The following PDS5A variants were observed in gnomAD, a reference collection of about 807,000 sequenced individuals.
The protein encoded by PDS5A is PDS5 cohesin associated factor A.
In PDS5A, 42 loss-of-function variants were observed where a neutral mutation model predicts 167.1. The observed-to-expected ratio is 0.25, with a 90% CI of 0.20 to 0.33. PDS5A has a LOEUF of 0.33. Among genes scored for constraint, PDS5A ranks in the 10% least tolerant of loss-of-function variants. The pLI, the probability that PDS5A is intolerant of heterozygous loss-of-function variation, is 1.00. For missense variants in PDS5A, 1,033 were observed against 1,605.9 expected, an observed-to-expected ratio of 0.64 and a Z score of 6.10; for synonymous variants, 553 against 554.6, an observed-to-expected ratio of 1.00 and a Z score of 0.04.
rs1036395820 is a variant in PDS5A at position 39,911,555 on chromosome 4, G to A, written c.993-1217C>T. Among the ~76,000 whole-genome samples, 29 of 151,746 alleles carry A rather than the reference G, an allele frequency of 1.9e-4. 1 individual carries two copies. Among genetic ancestry groups the A allele is most frequent in the Admixed American group, 1.4e-3 (21 of 15,230 alleles). On this transcript the variant is annotated intron_variant, in intron 9 of 32. Transcript: ENST00000303538. ...AGACTCAAAAATGCACATGTTGGCC[G>A]GGCGCGGTGGCTCACACCTGCAATC...
intron 32 of PDS5A, among the ~76,000 whole-genome samples, chr4:39,836,291 G>A (rs951372276): frequency 6.6e-6 from 1 of 152,210 alleles, no homozygotes; most frequent in African/African-American, 2.4e-5. Context: ...AGAAACAGAA[G>A]TGAGTAGGAG....
chr4:39,963,141 G>A (rs185939344), intron 2 of PDS5A, among the ~76,000 whole-genome samples: 1 of 151,800 alleles, frequency 6.6e-6, no homozygotes, highest in Non-Finnish European at 1.5e-5. Flanking sequence ...CCAACATGGC[G>A]AAACCCCGTC....
At chr4:39,886,598 G>A (rs1002885341) in intron 17 of PDS5A, among the ~76,000 whole-genome samples, 20 of 151,860 alleles carry the variant, frequency 1.3e-4, no homozygotes, top group African/African-American at 4.6e-4. Flanking sequence ...CTGTAATCAT[G>A]GCTACTTGGG....
rs555563641 is a variant in PDS5A at position 39,848,463 on chromosome 4, A to G, written c.3339+388T>C. 2.5e-5 allele frequency: 5 copies of G among 196,300 alleles called. No homozygotes were observed. The South Asian group carries it at 4.4e-4, about 17-fold the overall frequency. 12.2% of individuals were successfully genotyped at this position (196,300 alleles called of 1,614,324 possible). A position where few individuals can be genotyped will look rare whatever the true frequency, so the allele number is the denominator to read the frequency against. On this transcript the variant is annotated intron_variant, in intron 28 of 32. Transcript: ENST00000303538. Reference sequence around the variant, plus strand: ...ATATTAGCAATTGTCCATATGTATTATTAACATCTGCATTATAAAGATGAA... The same window carrying G: ...ATATTAGCAATTGTCCATATGTATTGTTAACATCTGCATTATAAAGATGAA...
In PDS5A at chr4:39,976,541, G is replaced by A. The variant is rs775555695; in HGVS notation, c.37C>T (p.Leu13Phe). ...FTAQPKPATALCGVVSADGKI... is the reference protein window; with the variant it reads ...FTAQPKPATAFCGVVSADGKI... ...CCGTCGGCACTCACGACGCCACAGA[G>A]GGCAGTGGCAGGCTTGGGCTGCGCG... The change falls in exon 2 of 33, where the codon CTC (leucine) becomes TTC (phenylalanine). Residue 13 changes from leucine to phenylalanine, a missense_variant. Transcript: ENST00000303538. The A allele has an allele frequency of 3.7e-6, 6 of 1,613,274 alleles. 1 individual carries two copies. Among genetic ancestry groups the A allele is most frequent in the East Asian group, 2.2e-5 (1 of 44,872 alleles).
chr4:39,839,118 A>T (rs1342014237), intron 31 of PDS5A, among the ~76,000 whole-genome samples: 2 of 152,126 alleles, frequency 1.3e-5, no homozygotes, highest in Admixed American at 1.3e-4. Flanking sequence ...TTAAGTCAAG[A>T]CTGCTTAATT....
intron 16 of PDS5A, among the ~76,000 whole-genome samples, chr4:39,896,444 T>C (rs1209793692): frequency 6.6e-6 from 1 of 151,526 alleles, no homozygotes; most frequent in Non-Finnish European, 1.5e-5. Flanking sequence ...TCTTTCCTTA[T>C]ATCCTTATTC....
At chr4:39,966,720 G>A (rs1055494868) in intron 2 of PDS5A, among the ~76,000 whole-genome samples, 3 of 152,124 alleles carry the variant, frequency 2.0e-5, no homozygotes, top group Non-Finnish European at 1.5e-5. Flanking sequence ...ATTTCAGGCC[G>A]GGCATGGTGG....
At chr4:39,926,748 T>G in intron 4 of PDS5A, 27 bp downstream of exon 4, 1 of 1,300,718 alleles carries the variant, frequency 7.7e-7, no homozygotes, top group Non-Finnish European at 1.0e-6. Context: ...ATAATGTTAA[T>G]AGTTATTAAA....
chr4:39,887,912 C>T (rs190814279), intron 17 of PDS5A, among the ~76,000 whole-genome samples: 2 of 151,912 alleles, frequency 1.3e-5, no homozygotes, highest in Non-Finnish European at 1.5e-5. Context: ...CAAAAAAACA[C>T]CAGACAAACA....
chr4:39,888,548 G>A (rs1721682624), intron 17 of PDS5A, among the ~76,000 whole-genome samples: 1 of 151,916 alleles, frequency 6.6e-6, no homozygotes, highest in Non-Finnish European at 1.5e-5. Context: ...GAACCTAAGT[G>A]CACATCAACG....
At chr4:39,929,694 C>T (rs1294395544) in intron 2 of PDS5A, among the ~76,000 whole-genome samples, 1 of 149,892 alleles carries the variant, frequency 6.7e-6, no homozygotes, top group Non-Finnish European at 1.5e-5. Context: ...GTCAAATATT[C>T]AAGCTATATT....
intron 2 of PDS5A, among the ~76,000 whole-genome samples, chr4:39,945,599 A>G (rs1293221372): frequency 2.6e-5 from 4 of 152,100 alleles, no homozygotes; most frequent in Non-Finnish European, 4.4e-5. Flanking sequence ...ACATTATACT[A>G]TAAAAACTGT....
chr4:39,929,545 A>C lies in PDS5A; in HGVS notation c.139-1381T>G, dbSNP rs1302224119. ...TATATATATATATATATATATATATATATATATATATCCCATTAATATCCT... is the reference window on the plus strand; with the variant it reads ...TATATATATATATATATATATATATCTATATATATATCCCATTAATATCCT... On this transcript the variant is annotated intron_variant, in intron 2 of 32. Coordinates refer to ENST00000303538, the MANE Select transcript of PDS5A (RefSeq NM_001100399.2). Among the ~76,000 whole-genome samples, 49 of 117,216 alleles carry C rather than the reference A, an allele frequency of 4.2e-4. 5 individuals are homozygous for C. The highest frequency in any genetic ancestry group is 3.1e-3 in the East Asian group (9 of 2,940). 76.9% of individuals were successfully genotyped at this position (117,216 alleles called of 152,430 possible).
intron 22 of PDS5A, chr4:39,868,618 C>A: frequency 4.4e-6 from 2 of 452,808 alleles, no homozygotes; most frequent in Admixed American, 4.7e-5. Context: ...CGTGAGCCAC[C>A]ATGCCTAGCC....
intron 28 of PDS5A, chr4:39,847,671 T>TCAAAATAATGAG (rs554913315): frequency 3.3e-5 from 5 of 152,128 alleles, no homozygotes; most frequent in Admixed American, 6.5e-5. Flanking sequence ...ATTATTTCTA[T>TCAAAATAATGAG]CAAAAGCAAG....
At chr4:39,848,744 T>A (rs1358811641) in intron 28 of PDS5A, 107 bp downstream of exon 28, 1 of 984,888 alleles carries the variant, frequency 1.0e-6, no homozygotes, top group African/African-American at 1.6e-5. Flanking sequence ...CCCAGATTTT[T>A]TCTTTACTCT....
Position 39,890,342 on chromosome 4 carries a change from G to C in PDS5A, c.1793C>G (p.Ala598Gly), listed in dbSNP as rs769001670. The change falls in exon 17 of 33, where the codon GCA becomes GGA. Residue 598 changes from alanine (A) to glycine (G), a missense_variant. Ala to Gly is a moderately conservative substitution (Grantham distance 60). This residue lies in a region of PDS5A where 367 missense variants were observed against 686.7 expected (regional missense o/e 0.53). Coordinates refer to ENST00000303538, the MANE Select transcript of PDS5A (RefSeq NM_001100399.2). ...AGGATTTGTTGGTTGCTTAGGATTT[G>C]CAAGTTTCCGGGCTATTTCTCTCTA... ...ICVREIARKL[A>G]NPKQPTNPFL... 6.3e-7 allele frequency: 1 copy of C among 1,578,242 alleles called. No homozygotes were observed. The highest frequency in any genetic ancestry group is 1.2e-5 in the South Asian group (1 of 86,352).
At position 39,901,565 on chromosome 4, in the gene PDS5A, C is replaced by T. The variant is rs1301677938; in HGVS notation, c.1499+782G>A. ...GATTACAGGGGTTAGCCTCCACGTC[C>T]GGCCTAAAAATGCAGTCTTAATCTA... On this transcript the variant is annotated intron_variant, in intron 13 of 32. Coordinates refer to ENST00000303538, the MANE Select transcript of PDS5A (RefSeq NM_001100399.2). Among the ~76,000 whole-genome samples, 7 of 152,178 alleles carry T rather than the reference C, an allele frequency of 4.6e-5. No individual in the cohort carries two copies. In the South Asian group the frequency reaches 8.3e-4, roughly 18 times the overall value.
Sources: gnomAD v4.1 joint callset for allele counts (sites outside exome capture counted in the v4.1 genomes callset) on GRCh38, gnomAD v4.1.1 for gene constraint, gnomAD v4.1.1 regional missense constraint, MANE v1.5 for transcripts, NCBI Gene and HGNC (gene_info 2026-07-23, HGNC 2026-07-21) for gene names.